Variants in DNAI1 observed in about 807,000 individuals in gnomAD.
The protein encoded by DNAI1 is dynein axonemal intermediate chain 1, also known as dynein, axonemal, intermediate polypeptide 1.
Under a neutral mutation model 92.0 loss-of-function variants are expected in DNAI1, and 67 were observed. The ratio of observed to expected loss-of-function variants is 0.73; its 90% CI spans 0.60 to 0.89. DNAI1 has a LOEUF of 0.89. Among genes scored for constraint, DNAI1 ranks in the 40% least tolerant of loss-of-function variants. DNAI1 has a pLI of 0.00. For synonymous variants in DNAI1, 323 were observed against 319.6 expected, an observed-to-expected ratio of 1.01 and a Z score of -0.11; for missense variants, 839 against 866.6, an observed-to-expected ratio of 0.97 and a Z score of 0.40.
chr9:34,476,699 C>T (rs527431142), intron 1 of DNAI1, among the ~76,000 whole-genome samples: 16 of 152,254 alleles, frequency 1.1e-4, no homozygotes, highest in East Asian at 3.9e-4. Context: ...GAAGGATGCT[C>T]GGCATAGAGC....
intron 1 of DNAI1, among the ~76,000 whole-genome samples, chr9:34,463,507 T>C (rs1307761396): frequency 6.6e-6 from 1 of 152,232 alleles, no homozygotes; most frequent in Non-Finnish European, 1.5e-5. Context: ...ACTGGCTGCA[T>C]GTATACATGT....
chr9:34,462,695 G>GT (rs1365318927), intron 1 of DNAI1, among the ~76,000 whole-genome samples: 4 of 152,294 alleles, frequency 2.6e-5, no homozygotes, highest in African/African-American at 9.6e-5. Flanking sequence ...TGTAAGTATG[G>GT]TTTTCCAGGT....
intron 1 of DNAI1, among the ~76,000 whole-genome samples, chr9:34,483,080 G>A (rs949240413): frequency 1.3e-5 from 2 of 152,178 alleles, no homozygotes; most frequent in Non-Finnish European, 2.9e-5. Context: ...CCAAGCCCAC[G>A]CCCACCCGGA....
chr9:34,485,404 A>C (rs751569351), intron 3 of DNAI1, 33 bp from the exon 4 acceptor site: 1 of 1,608,776 alleles, frequency 6.2e-7, no homozygotes, highest in Non-Finnish European at 8.5e-7. Flanking sequence ...GGGGGTCTTC[A>C]TGTATGACCC....
intron 1 of DNAI1, among the ~76,000 whole-genome samples, chr9:34,463,156 A>G (rs1348304757): frequency 2.0e-5 from 3 of 152,016 alleles, no homozygotes; most frequent in Non-Finnish European, 4.4e-5. Flanking sequence ...ACCCGGGGGT[A>G]GGGTGTGGGG....
intron 1 of DNAI1, among the ~76,000 whole-genome samples, chr9:34,482,736 T>G (rs1051845069): frequency 6.6e-6 from 1 of 152,272 alleles, no homozygotes; most frequent in Non-Finnish European, 1.5e-5. Flanking sequence ...CAGGTGAAGC[T>G]GCCTGCCAGT....
chr9:34,468,347 ATTT>A (rs376170581), intron 1 of DNAI1, among the ~76,000 whole-genome samples: 1 of 142,000 alleles, frequency 7.0e-6, no homozygotes, highest in Non-Finnish European at 1.5e-5. Flanking sequence ...CGCCTGGCTA[ATTT>A]TTTTTTTTTT....
chr9:34,486,153 C>T lies in DNAI1; in HGVS notation c.261+636C>T, dbSNP rs573402707. Among the ~76,000 whole-genome samples the T allele has an allele frequency of 4.6e-5, 7 of 152,218 alleles. No homozygotes were observed. In the South Asian group the frequency reaches 8.3e-4, roughly 18 times the overall value. On this transcript the variant is annotated intron_variant, in intron 4 of 19. Coordinates refer to ENST00000242317, the MANE Select transcript of DNAI1 (RefSeq NM_012144.4). ...GTGGTTATGAACTGAAGAGAATTTCCGAGTACATTTGAGCTGCAGTGGAAG... is the reference window on the plus strand; with the variant it reads ...GTGGTTATGAACTGAAGAGAATTTCTGAGTACATTTGAGCTGCAGTGGAAG...
At chr9:34,492,525 T>TAGATATAG (rs1824629712) in intron 8 of DNAI1, among the ~76,000 whole-genome samples, 1 of 101,318 alleles carries the variant, frequency 9.9e-6, no homozygotes, top group African/African-American at 3.5e-5. Context: ...TATATATATA[T>TAGATATAG]ATATATATAT....
At chr9:34,510,550 T>C (rs1825044036) in intron 13 of DNAI1, among the ~76,000 whole-genome samples, 2 of 152,134 alleles carry the variant, frequency 1.3e-5, no homozygotes, top group South Asian at 4.1e-4. Context: ...ACCCTCCCTC[T>C]TTTGCTTTAT....
intron 13 of DNAI1, among the ~76,000 whole-genome samples, chr9:34,508,167 C>A (rs1358439746): frequency 6.6e-6 from 1 of 152,226 alleles, no homozygotes; most frequent in Non-Finnish European, 1.5e-5. Context: ...TCTTTCACTT[C>A]CCTCCTGCCC....
chr9:34,492,493 G>GAGAGATATATATATATAT (rs1271867592), intron 8 of DNAI1, among the ~76,000 whole-genome samples: 8 of 68,258 alleles, frequency 1.2e-4, no homozygotes, highest in South Asian at 4.5e-4. Context: ...GGGATATGAA[G>GAGAGATATATATATATAT]ATATATATAT....
chr9:34,495,443 T>C (rs1413666388), intron 9 of DNAI1, among the ~76,000 whole-genome samples: 1 of 152,214 alleles, frequency 6.6e-6, no homozygotes. Flanking sequence ...GAAACCTCAG[T>C]TTCTTCATCT....
In DNAI1 at chr9:34,500,744, T is replaced by C. The variant is rs377594689; in HGVS notation, c.924T>C (p.Ala308=). ...IAQDFKYYDD[A]ADEYRDQVGT... ...AAGATTTTAAGTACTATGACGATGC[T>C]GCTGATGAATACCGGGACCAGGTGG... The change falls in exon 11 of 20, where the codon GCT becomes GCC. Residue 308 remains alanine, a synonymous_variant. Transcript: ENST00000242317. The C allele has an allele frequency of 1.4e-4, 230 of 1,613,862 alleles. No individual in the cohort carries two copies. The highest frequency in any genetic ancestry group is 1.9e-4 in the Non-Finnish European group (223 of 1,179,952).
At chr9:34,459,506 C>T (rs7047453) in intron 1 of DNAI1, among the ~76,000 whole-genome samples, 29,559 of 149,466 alleles carry the variant, frequency 0.2, 3,380 homozygotes, top group African/African-American at 0.32. Context: ...AATGCAGTGG[C>T]GCCATCTCAG....
Position 34,520,670 on chromosome 9 carries a change from C to CAGG in DNAI1, c.2018_2020dup (p.Glu673dup). The CAGG allele has an allele frequency of 6.4e-7, 1 of 1,551,582 alleles. No individual in the cohort carries two copies. The highest frequency in any genetic ancestry group is 8.7e-7 in the Non-Finnish European group (1 of 1,146,948). ...TCCCTCTCCCCAGGAAAAGAAGGGG[C>CAGG]AGGAGGTGCAGAAGGGTCCAGCTGT... is the stretch of plus-strand genomic sequence containing the variant. On this transcript the variant is annotated inframe_insertion, in exon 20 of 20. Transcript: ENST00000242317.
intron 4 of DNAI1, among the ~76,000 whole-genome samples, chr9:34,486,733 C>T (rs1329325370): frequency 6.6e-6 from 1 of 152,150 alleles, no homozygotes; most frequent in African/African-American, 2.4e-5. Context: ...AGAACATTTT[C>T]ACTTCCCCGC....
chr9:34,485,539 AG>A, intron 4 of DNAI1, 22 bp downstream of exon 4: 1 of 1,610,238 alleles, frequency 6.2e-7, no homozygotes, highest in Non-Finnish European at 8.5e-7. Context: ...CCTCCTGGGC[AG>A]GGGCATCTAT....
intron 9 of DNAI1, 57 bp downstream of exon 9, chr9:34,493,385 C>G: frequency 1.2e-6 from 2 of 1,612,824 alleles, no homozygotes; most frequent in East Asian, 2.2e-5. Flanking sequence ...GCCTTGGCCT[C>G]TGGGTAGACA....
Sources: gnomAD v4.1 joint callset for allele counts (sites outside exome capture counted in the v4.1 genomes callset) on GRCh38, gnomAD v4.1.1 for gene constraint, MANE v1.5 for transcripts, NCBI Gene and HGNC (gene_info 2026-07-23, HGNC 2026-07-21) for gene names.